CACNA1G: variants seen among roughly 807,000 people sequenced by gnomAD.
CACNA1G encodes the protein calcium voltage-gated channel subunit alpha1 G.
A neutral mutation model predicts 219.4 loss-of-function variants in CACNA1G; 67 were observed. That is an observed-to-expected ratio of 0.31 (90% CI 0.25 to 0.37). The LOEUF (loss-of-function observed/expected upper bound fraction) is 0.37. Among genes scored for constraint, CACNA1G ranks in the 10% least tolerant of loss-of-function variants. CACNA1G has a pLI of 1.00. For synonymous variants in CACNA1G, 1,296 were observed against 1,345.3 expected (o/e 0.96, Z 0.80); for missense variants, 2,380 against 3,231.4 (o/e 0.74, Z 6.39).
intron 5 of CACNA1G, 22 bp downstream of exon 5, chr17:50,572,059 G>C (rs771887330): frequency 8.1e-6 from 13 of 1,605,712 alleles, no homozygotes; most frequent in African/African-American, 1.3e-5. Flanking sequence ...ACAGGGTCCA[G>C]GGAGGACCTG....
At position 50,578,412 on chromosome 17, in the gene CACNA1G, G is replaced by T; in HGVS notation, c.2149G>T (p.Gly717Cys). The T allele has an allele frequency of 2.5e-6, 4 of 1,613,346 alleles. No individual in the cohort carries two copies. Among genetic ancestry groups the T allele is most frequent in the Non-Finnish European group, 3.4e-6 (4 of 1,179,788 alleles). Reference sequence around the variant, plus strand: ...CCACAGCCGGCGGCAACGGAGCCTGGGCCCAGATGCAGAGCCCAGCTCTGT... The same window carrying T: ...CCACAGCCGGCGGCAACGGAGCCTGTGCCCAGATGCAGAGCCCAGCTCTGT... The part of the protein sequence containing the change: ...DPHSRRQRSL[G>C]PDAEPSSVLA... The change falls in exon 9 of 38, where the codon GGC (glycine) becomes TGC (cysteine). Residue 717 changes from glycine (G) to cysteine (C), a missense_variant. Transcript: ENST00000359106. The surrounding 1 kb of genome is among the most constrained non-coding windows in gnomAD (Gnocchi z 4.5).
intron 24 of CACNA1G, chr17:50,607,285 C>T: frequency 2.4e-6 from 1 of 421,152 alleles, no homozygotes; most frequent in Admixed American, 3.3e-5. Context: ...AAGAGGATCA[C>T]TTGAGGCCAG....
intron 13 of CACNA1G, among the ~76,000 whole-genome samples, chr17:50,593,962 G>T (rs1055323188): frequency 6.6e-6 from 1 of 152,230 alleles, no homozygotes. Context: ...AGGTTTCAGG[G>T]GGCCCCACGG....
At chr17:50,586,072 A>G (rs1478393363) in intron 9 of CACNA1G, among the ~76,000 whole-genome samples, 3 of 152,156 alleles carry the variant, frequency 2.0e-5, no homozygotes, top group African/African-American at 7.2e-5. Flanking sequence ...CAAGAGGCAC[A>G]TCACTGTCTG....
intron 37 of CACNA1G, among the ~76,000 whole-genome samples, chr17:50,624,822 C>T (rs2053260231): frequency 6.6e-6 from 1 of 152,210 alleles, no homozygotes; most frequent in Non-Finnish European, 1.5e-5. Flanking sequence ...AGTCTCTGGT[C>T]TTTCCTTCCT....
At position 50,599,700 on chromosome 17, in the gene CACNA1G, A is replaced by G. The variant is rs772639417; in HGVS notation, c.3531A>G (p.Thr1177=). ...EAKSSFDLPD[T]LQVPGLHRTA... Reference sequence around the variant, plus strand: ...AGAGTTCCTTTGACCTGCCAGACACACTGCAGGTGCCAGGGCTGCATCGCA... The same window carrying G: ...AGAGTTCCTTTGACCTGCCAGACACGCTGCAGGTGCCAGGGCTGCATCGCA... Residue 1177 remains threonine, a synonymous_variant, in exon 17 of 38, where the codon ACA becomes ACG. Transcript: ENST00000359106. 2 of 1,613,480 alleles carry G rather than the reference A, an allele frequency of 1.2e-6. No homozygotes were observed. The highest frequency in any genetic ancestry group is 1.7e-5 in the Admixed American group (1 of 59,950).
chr17:50,566,137 G>C (rs559818608), intron 1 of CACNA1G, among the ~76,000 whole-genome samples: 8 of 152,302 alleles, frequency 5.3e-5, no homozygotes, highest in Admixed American at 3.9e-4. Flanking sequence ...CAAGACAACA[G>C]CCTCAGTCAG....
At position 50,575,605 on chromosome 17, in the gene CACNA1G, C is replaced by T; in HGVS notation, c.1203C>T (p.Thr401=). 6.2e-7 allele frequency: 1 copy of T among 1,613,700 alleles called. No homozygotes were observed. The highest frequency in any genetic ancestry group is 1.1e-5 in the South Asian group (1 of 91,070). ...TGATTGCCACGCAGTTCTCAGAGAC[C>T]AAGCAGCGGGAAAGCCAGCTGATGC... The part of the protein sequence containing the change: ...LVVIATQFSE[T]KQRESQLMRE... The change falls in exon 8 of 38, where the codon ACC becomes ACT. Residue 401 remains threonine, a synonymous_variant. Coordinates refer to ENST00000359106, the MANE Select transcript of CACNA1G (RefSeq NM_018896.5).
In CACNA1G at chr17:50,578,217, A is replaced by T. The variant is rs1174603199; in HGVS notation, c.1954A>T (p.Ser652Cys). The T allele has an allele frequency of 6.3e-7, 1 of 1,597,162 alleles. No homozygotes were observed. The highest frequency in any genetic ancestry group is 8.5e-7 in the Non-Finnish European group (1 of 1,169,850). Reference protein sequence around the residue: ...GACQSSCKISSPCLKADSGAC... With the variant: ...GACQSSCKISCPCLKADSGAC... ...CTGCCAAAGCTCTTGCAAGATCTCC[A>T]GCCCTTGCTTGAAAGCAGACAGTGG... The change falls in exon 9 of 38, where the codon AGC becomes TGC. Residue 652 changes from serine (S) to cysteine (C), a missense_variant. Around this residue, in one of 17 missense-constraint regions of CACNA1G, gnomAD observed 434 missense variants for 417.3 expected, o/e 1.04. Coordinates refer to ENST00000359106, the MANE Select transcript of CACNA1G (RefSeq NM_018896.5). The surrounding 1 kb of genome is among the most constrained non-coding windows in gnomAD (Gnocchi z 4.5).
At chr17:50,574,069 C>T (rs1261153075) in intron 7 of CACNA1G, among the ~76,000 whole-genome samples, 5 of 152,210 alleles carry the variant, frequency 3.3e-5, no homozygotes, top group African/African-American at 4.8e-5. Flanking sequence ...GTTTAATCCT[C>T]GTCGTCCCCT....
chr17:50,601,628 TG>T (rs1293594840), intron 19 of CACNA1G, among the ~76,000 whole-genome samples: 1 of 152,064 alleles, frequency 6.6e-6, no homozygotes, highest in East Asian at 1.9e-4. Context: ...AGTGGGGACA[TG>T]GGTCACTTCT....
At chr17:50,574,219 A>C (rs2040087603) in intron 7 of CACNA1G, among the ~76,000 whole-genome samples, 1 of 152,200 alleles carries the variant, frequency 6.6e-6, no homozygotes, top group Admixed American at 6.5e-5. Context: ...ACGACTCCAC[A>C]TTCAGCCTTT....
chr17:50,602,076 T>C (rs917761933), intron 19 of CACNA1G, among the ~76,000 whole-genome samples: 3 of 152,152 alleles, frequency 2.0e-5, no homozygotes, highest in African/African-American at 7.2e-5. Flanking sequence ...CTGGCTGCAC[T>C]CCAGCCTTGG....
At position 50,621,599 on chromosome 17, in the gene CACNA1G, T is replaced by C. The variant is rs2052059132; in HGVS notation, c.5926-61T>C. The C allele has an allele frequency of 1.9e-6, 3 of 1,574,844 alleles. No individual in the cohort carries two copies. The highest frequency in any genetic ancestry group is 1.3e-5 in the African/African-American group (1 of 74,260). On this transcript the variant is annotated intron_variant, in intron 34 of 37. Coordinates refer to ENST00000359106, the MANE Select transcript of CACNA1G (RefSeq NM_018896.5). The surrounding 1 kb of genome is among the most constrained non-coding windows in gnomAD (Gnocchi z 4.6). ...GACTGAGAGAGAGCGCGTGTGTGCG[T>C]GTGCACGCGCGTGTGCGCTGTCCTG... is the stretch of plus-strand genomic sequence containing the variant.
intron 5 of CACNA1G, 65 bp from the exon 6 acceptor site, chr17:50,572,489 C>T (rs956304401): frequency 1.0e-5 from 14 of 1,375,836 alleles, no homozygotes; most frequent in Non-Finnish European, 1.2e-5. Flanking sequence ...TCTCTCCCTT[C>T]CTGGGCCCTC....
At chr17:50,616,231 C>A (rs1254325318) in intron 27 of CACNA1G, 44 bp from the exon 28 acceptor site, 2 of 1,240,786 alleles carry the variant, frequency 1.6e-6, no homozygotes, top group South Asian at 2.4e-5. Context: ...AAGCCCCAGC[C>A]CTGGGCCTTA....
intron 34 of CACNA1G, among the ~76,000 whole-genome samples, chr17:50,620,183 G>A (rs978140893): frequency 3.9e-5 from 6 of 152,134 alleles, no homozygotes; most frequent in Non-Finnish European, 8.8e-5. Flanking sequence ...GGAGGTATCA[G>A]ATCCAGGGAG....
At position 50,578,151 on chromosome 17, in the gene CACNA1G, G is replaced by C; in HGVS notation, c.1925-37G>C. On this transcript the variant is annotated intron_variant, in intron 8 of 37. Coordinates refer to ENST00000359106, the MANE Select transcript of CACNA1G (RefSeq NM_018896.5). This position sits in a 1 kb window ranked among gnomAD's most constrained non-coding sequence, Gnocchi z 4.5. ...CAGGGCAGGGTAGCCCCAGGTACGAGACTCTGGAGCCTCTCACCTCTACTC... is the reference window on the plus strand; with the variant it reads ...CAGGGCAGGGTAGCCCCAGGTACGACACTCTGGAGCCTCTCACCTCTACTC... 1 of 1,508,308 alleles carries C rather than the reference G, an allele frequency of 6.6e-7. No homozygotes were observed. Among genetic ancestry groups the C allele is most frequent in the Non-Finnish European group, 8.8e-7 (1 of 1,131,892 alleles). 93.4% of individuals were successfully genotyped at this position (1,508,308 alleles called of 1,614,324 possible). A position where few individuals can be genotyped will look rare whatever the true frequency, so the allele number is the denominator to read the frequency against.
rs762006981 is a variant in CACNA1G, at chr17:50,618,222, A to G, written c.5306A>G (p.Glu1769Gly). The change falls in exon 32 of 38, where the codon GAG becomes GGG. Residue 1769 changes from glutamate to glycine, a missense_variant and splice_region_variant. By Grantham distance (98) the Glu-to-Gly change is moderately conservative. This residue lies in a region of CACNA1G where 123 missense variants were observed against 258.4 expected (regional missense o/e 0.48). Transcript: ENST00000359106. This position sits in a 1 kb window ranked among gnomAD's most constrained non-coding sequence, Gnocchi z 5.3. Reference sequence around the variant, plus strand: ...TCTCCCCCTTTCCCTCCTCCCCCAGAGTGTGACGAGACACACCCCTGTGAG... The same window carrying G: ...TCTCCCCCTTTCCCTCCTCCCCCAGGGTGTGACGAGACACACCCCTGTGAG... ...ALGVELFGDL[E>G]CDETHPCEGL... is the part of the protein sequence containing the mutation. 3.1e-6 allele frequency: 5 copies of G among 1,613,380 alleles called. No individual in the cohort carries two copies.
Sources: allele counts gnomAD v4.1 joint callset (sites outside exome capture counted in the v4.1 genomes callset), GRCh38; gene constraint gnomAD v4.1.1; regional missense constraint gnomAD v4.1.1; non-coding constraint Gnocchi (gnomAD v3.1); transcripts MANE v1.5; gene names NCBI Gene and HGNC (gene_info 2026-07-23, HGNC 2026-07-21).